Variants in RNGTT observed in about 807,000 individuals in gnomAD.
The protein encoded by RNGTT is RNA guanylyltransferase and 5'-phosphatase.
A neutral mutation model predicts 79.3 loss-of-function variants in RNGTT; 33 were observed. The ratio of observed to expected loss-of-function variants is 0.42; its 90% CI spans 0.32 to 0.56. The LOEUF (loss-of-function observed/expected upper bound fraction) is 0.56. Ranked by LOEUF, RNGTT falls within the 20% of genes least tolerant of loss-of-function variation. The probability of loss-of-function intolerance (pLI) is 0.17; values close to 1 mark genes in which losing one functional copy is unlikely to be tolerated. For synonymous variants in RNGTT, 222 were observed against 235.9 expected, an observed-to-expected ratio of 0.94 and a Z score of 0.54; for missense variants, 497 against 739.1, an observed-to-expected ratio of 0.67 and a Z score of 3.80.
intron 12 of RNGTT, among the ~76,000 whole-genome samples, chr6:88,781,717 A>G (rs76390900): frequency 1.3e-5 from 2 of 152,128 alleles, no homozygotes; most frequent in East Asian, 1.9e-4. Flanking sequence ...AAGGCAGCCT[A>G]AAGTTTTAAA....
At chr6:88,650,425 A>G (rs573922318) in intron 14 of RNGTT, among the ~76,000 whole-genome samples, 91 of 152,284 alleles carry the variant, frequency 6.0e-4, no homozygotes, top group Non-Finnish European at 1.0e-3. Flanking sequence ...ATTCTGCTAC[A>G]ATTCTTTTTG....
intron 4 of RNGTT, among the ~76,000 whole-genome samples, chr6:88,907,613 T>C (rs974038343): frequency 6.6e-6 from 1 of 152,098 alleles, no homozygotes; most frequent in Non-Finnish European, 1.5e-5. Flanking sequence ...GAGACGAATA[T>C]AACTAGTTTG....
intron 8 of RNGTT, among the ~76,000 whole-genome samples, chr6:88,875,307 T>A (rs939251513): frequency 2.0e-5 from 3 of 152,074 alleles, no homozygotes; most frequent in African/African-American, 7.2e-5. Context: ...GATGAAGGTA[T>A]AATGTCTCGA....
chr6:88,744,082 T>C (rs199695696), intron 13 of RNGTT, among the ~76,000 whole-genome samples: 1 of 152,176 alleles, frequency 6.6e-6, no homozygotes, highest in Non-Finnish European at 1.5e-5. Context: ...GAATTTATAT[T>C]TGCATTTGTC....
chr6:88,946,788 G>A (rs890886362), intron 1 of RNGTT, among the ~76,000 whole-genome samples: 4 of 147,080 alleles, frequency 2.7e-5, no homozygotes, highest in Non-Finnish European at 6.0e-5. Flanking sequence ...CCGAATGCCT[G>A]CGATTGCAGG....
intron 4 of RNGTT, among the ~76,000 whole-genome samples, chr6:88,913,214 C>CAA (rs58717773): frequency 0.016 from 1,016 of 65,536 alleles, 12 homozygotes; most frequent in African/African-American, 0.042. Context: ...CAAAAAAAAA[C>CAA]AAAAAAAAAA....
At chr6:88,839,801 A>C (rs1054049267) in intron 11 of RNGTT, among the ~76,000 whole-genome samples, 2 of 152,164 alleles carry the variant, frequency 1.3e-5, no homozygotes, top group African/African-American at 4.8e-5. Flanking sequence ...TTGGCCTTCA[A>C]ACTGGAAATG....
rs552205384 is a variant in RNGTT at position 88,720,784 on chromosome 6, T to G, written c.1440-42365A>C. Among the ~76,000 whole-genome samples, 174 of 152,252 alleles carry G rather than the reference T, an allele frequency of 1.1e-3. 5 individuals are homozygous for G. Among genetic ancestry groups the G allele is most frequent in the African/African-American group, 4.0e-3 (168 of 41,558 alleles). ...ATTTATAAGGAAAAAAAGGTAAATC[T>G]GAGTATATGATGAGTATTTAACATT... On this transcript the variant is annotated intron_variant, in intron 13 of 15. Coordinates refer to ENST00000369485, the MANE Select transcript of RNGTT (RefSeq NM_003800.5).
chr6:88,785,335 T>C (rs1046261601), intron 12 of RNGTT, among the ~76,000 whole-genome samples: 9 of 152,102 alleles, frequency 5.9e-5, no homozygotes, highest in African/African-American at 1.9e-4. Context: ...TAGCTGAGAC[T>C]GATTACAAAT....
intron 13 of RNGTT, among the ~76,000 whole-genome samples, chr6:88,750,688 G>T (rs1290174528): frequency 6.6e-6 from 1 of 152,080 alleles, no homozygotes; most frequent in African/African-American, 2.4e-5. Flanking sequence ...CTAGTTATTA[G>T]ATAAACATTC....
intron 14 of RNGTT, among the ~76,000 whole-genome samples, chr6:88,617,192 C>G (rs1196238545): frequency 6.6e-6 from 1 of 152,196 alleles, no homozygotes; most frequent in Non-Finnish European, 1.5e-5. Flanking sequence ...ATGGCATGAA[C>G]CTGGGAGGCG....
In RNGTT at chr6:88,625,039, C is replaced by T. The variant is rs1228173115; in HGVS notation, c.1507-10644G>A. Among the ~76,000 whole-genome samples, 3 of 151,776 alleles carry T rather than the reference C, an allele frequency of 2.0e-5. No individual in the cohort carries two copies. In the East Asian group the frequency reaches 5.8e-4, roughly 29 times the overall value. ...AAATCACACTGAGATACTATATATA[C>T]CTATTAGAATGTCTAAAATAAAATA... On this transcript the variant is annotated intron_variant, in intron 14 of 15. Transcript: ENST00000369485.
intron 4 of RNGTT, among the ~76,000 whole-genome samples, chr6:88,908,817 A>G (rs544028726): frequency 1.3e-5 from 2 of 152,308 alleles, no homozygotes; most frequent in East Asian, 1.9e-4. Context: ...TCTGATCCAC[A>G]TGCCCCTTTG....
chr6:88,796,056 T>C (rs980836836), intron 12 of RNGTT, among the ~76,000 whole-genome samples: 3 of 152,214 alleles, frequency 2.0e-5, no homozygotes, highest in African/African-American at 7.2e-5. Context: ...ACTGAGCACT[T>C]GAACAGTGGC....
At chr6:88,636,213 T>C (rs1318787023) in intron 14 of RNGTT, among the ~76,000 whole-genome samples, 2 of 152,014 alleles carry the variant, frequency 1.3e-5, no homozygotes, top group Non-Finnish European at 2.9e-5. Context: ...GATACATACA[T>C]TTGTTGAGTA....
At chr6:88,874,609 A>G (rs552248580) in intron 8 of RNGTT, among the ~76,000 whole-genome samples, 1 of 152,168 alleles carries the variant, frequency 6.6e-6, no homozygotes, top group Non-Finnish European at 1.5e-5. Flanking sequence ...CACATAATGA[A>G]TAAGAGTATG....
intron 11 of RNGTT, among the ~76,000 whole-genome samples, chr6:88,802,835 A>T (rs1205496541): frequency 6.6e-6 from 1 of 152,126 alleles, no homozygotes; most frequent in Non-Finnish European, 1.5e-5. Flanking sequence ...ATTACTTCCC[A>T]CCAGGTCCCT....
At chr6:88,940,980 T>C (rs1784826587) in intron 2 of RNGTT, 91 bp downstream of exon 2, 2 of 655,450 alleles carry the variant, frequency 3.1e-6, no homozygotes, top group East Asian at 5.7e-5. Flanking sequence ...TTAATTATTT[T>C]AAAATAATAA....
rs191434360 is a variant in RNGTT at position 88,701,167 on chromosome 6, T to C, written c.1440-22748A>G. Among the ~76,000 whole-genome samples, 889 of 151,746 alleles carry C rather than the reference T, an allele frequency of 5.9e-3. 5 individuals carry two copies. Among genetic ancestry groups the C allele is most frequent in the Non-Finnish European group, 7.4e-3 (500 of 67,842 alleles). On this transcript the variant is annotated intron_variant, in intron 13 of 15. Coordinates refer to ENST00000369485, the MANE Select transcript of RNGTT (RefSeq NM_003800.5). ...GAAGAAGAAGAAGAAGGTAGATGGATAGAGGGGAAGGCAGAGACTCACTGA... is the reference window on the plus strand; with the variant it reads ...GAAGAAGAAGAAGAAGGTAGATGGACAGAGGGGAAGGCAGAGACTCACTGA...
Sources: allele counts gnomAD v4.1 joint callset (sites outside exome capture counted in the v4.1 genomes callset), GRCh38; gene constraint gnomAD v4.1.1; transcripts MANE v1.5; gene names NCBI Gene and HGNC (gene_info 2026-07-23, HGNC 2026-07-21).